The following MAT2A variants were observed in gnomAD, a reference collection of about 807,000 sequenced individuals.
MAT2A encodes S-adenosylmethionine synthase isoform type-2.
A neutral mutation model predicts 43.9 loss-of-function variants in MAT2A; 3 were observed. The observed-to-expected ratio is 0.07, with a 90% CI of 0.03 to 0.18. MAT2A has a LOEUF of 0.18. MAT2A is among the 10% of genes least tolerant of loss of function. The probability of loss-of-function intolerance (pLI) is 1.00; values close to 1 mark genes in which losing one functional copy is unlikely to be tolerated. For missense variants in MAT2A, 204 were observed against 489.0 expected (o/e 0.42, Z 5.50); for synonymous variants, 200 against 168.4 (o/e 1.19, Z -1.45).
intron 1 of MAT2A, among the ~76,000 whole-genome samples, chr2:85,540,781 A>G (rs1269941402): frequency 1.3e-5 from 2 of 152,220 alleles, no homozygotes; most frequent in East Asian, 3.8e-4. Context: ...CTGTGGCCTC[A>G]GTTCTACCAG....
Position 85,544,707 on chromosome 2 carries a change from A to G in MAT2A, c.*935A>G, listed in dbSNP as rs745453983. ...AAGCCTGAGTACTCCACACTGCACA[A>G]TAACTCCTCCCAGGGTTTTAACTTT... is the stretch of plus-strand genomic sequence containing the variant. On this transcript the variant is annotated 3_prime_UTR_variant, in exon 9 of 9. Coordinates refer to ENST00000306434, the MANE Select transcript of MAT2A (RefSeq NM_005911.6). The G allele has an allele frequency of 3.7e-4, 56 of 152,600 alleles. No individual in the cohort carries two copies. Among genetic ancestry groups the G allele is most frequent in the Non-Finnish European group, 5.1e-4 (35 of 68,038 alleles). 9.5% of individuals were successfully genotyped at this position (152,600 alleles called of 1,614,324 possible). A position where few individuals can be genotyped will look rare whatever the true frequency, so the allele number is the denominator to read the frequency against.
At chr2:85,539,905 G>A (rs1348780955) in intron 1 of MAT2A, 1 of 153,626 alleles carries the variant, frequency 6.5e-6, no homozygotes, top group Non-Finnish European at 1.5e-5. Context: ...CTATGCCTTG[G>A]GACGTCGTCT....
At chr2:85,540,537 A>T (rs1186748649) in intron 1 of MAT2A, among the ~76,000 whole-genome samples, 1 of 152,234 alleles carries the variant, frequency 6.6e-6, no homozygotes, top group Non-Finnish European at 1.5e-5. Flanking sequence ...AACTTGAATT[A>T]GGGAGATATT....
chr2:85,542,922 T>G lies in MAT2A; in HGVS notation c.973T>G (p.Ser325Ala). The G allele has an allele frequency of 6.2e-7, 1 of 1,613,638 alleles. No homozygotes were observed. Among genetic ancestry groups the G allele is most frequent in the Non-Finnish European group, 8.5e-7 (1 of 1,179,856 alleles). Residue 325 changes from serine to alanine, a missense_variant, in exon 8 of 9, where the codon TCT becomes GCT. Transcript: ENST00000306434. ...LVQVSYAIGV[S>A]HPLSISIFHY... Reference sequence around the variant, plus strand: ...TTAGGTCTCTTATGCTATTGGAGTTTCTCATCCATTATCTATCTCCATTTT... The same window carrying G: ...TTAGGTCTCTTATGCTATTGGAGTTGCTCATCCATTATCTATCTCCATTTT...
chr2:85,540,981 C>G, intron 1 of MAT2A, 102 bp from the exon 2 acceptor site: 2 of 748,616 alleles, frequency 2.7e-6, no homozygotes. Context: ...TTTTTAAAAT[C>G]TCCAAAGATT....
In MAT2A at chr2:85,542,893, C is replaced by T. The variant is rs760766095; in HGVS notation, c.952-8C>T. The T allele has an allele frequency of 6.2e-7, 1 of 1,609,132 alleles. No individual in the cohort carries two copies. The highest frequency in any genetic ancestry group is 1.1e-5 in the South Asian group (1 of 90,664). ...TCACTGATTCTTACGACATTTGAATCCTTTTAGGTCTCTTATGCTATTGGA... is the reference window on the plus strand; with the variant it reads ...TCACTGATTCTTACGACATTTGAATTCTTTTAGGTCTCTTATGCTATTGGA... On this transcript the variant is annotated splice_polypyrimidine_tract_variant and splice_region_variant and intron_variant, in intron 7 of 8. Coordinates refer to ENST00000306434, the MANE Select transcript of MAT2A (RefSeq NM_005911.6).
chr2:85,540,203 G>T (rs910221052), intron 1 of MAT2A, among the ~76,000 whole-genome samples: 15 of 152,248 alleles, frequency 9.9e-5, no homozygotes, highest in African/African-American at 3.6e-4. Flanking sequence ...GAGGAGTAAA[G>T]CTATATTTCC....
chr2:85,539,644 A>G (rs1219861344), intron 1 of MAT2A: 6 of 329,936 alleles, frequency 1.8e-5, no homozygotes, highest in Non-Finnish European at 2.2e-5. Flanking sequence ...GGTTCCAGAA[A>G]ACGTGAAGGG....
rs1369199015 is a variant in MAT2A at position 85,544,746 on chromosome 2, A to T, written c.*974A>T. The T allele has an allele frequency of 6.6e-6, 1 of 152,586 alleles. No individual in the cohort carries two copies. The highest frequency in any genetic ancestry group is 2.4e-5 in the African/African-American group (1 of 41,426). The allele number at this position is 152,586 out of a possible 1,614,324, so 9.5% of individuals were successfully genotyped here. On this transcript the variant is annotated 3_prime_UTR_variant, in exon 9 of 9. Transcript: ENST00000306434. ...GGTTTTAACTTTGTTTTATTTTCAA[A>T]ACCAGGTCCAATGAGCTTTCTGAAC...
Position 85,542,096 on chromosome 2 carries a change from GAAAC to G in MAT2A, c.550-55_550-52del. On this transcript the variant is annotated intron_variant, in intron 5 of 8. Coordinates refer to ENST00000306434, the MANE Select transcript of MAT2A (RefSeq NM_005911.6). ...TTCCTATATTGTAACTTCAGGTAGAGAAACAAATACAAAGTTATTGTTTGGTGTG... is the reference window on the plus strand; with the variant it reads ...TTCCTATATTGTAACTTCAGGTAGAGAAATACAAAGTTATTGTTTGGTGTG... 4 of 1,580,626 alleles carry G rather than the reference GAAAC, an allele frequency of 2.5e-6. No homozygotes were observed. In the South Asian group the frequency reaches 4.4e-5, roughly 17 times the overall value.
chr2:85,543,236 G>A, intron 8 of MAT2A: 1 of 561,886 alleles, frequency 1.8e-6, no homozygotes, highest in Non-Finnish European at 3.2e-6. Context: ...CCATGGCTTA[G>A]GCTAACCACT....
rs755309628 is a variant in MAT2A, at chr2:85,541,070, TTC to T, written c.92-9_92-8del. The stretch of plus-strand genomic sequence containing the variant: ...AAGTTAAAGAAACTGAGCCAGGAAT[TTC>T]TCTTTTCCAGATAAGATTTGTGACC... On this transcript the variant is annotated splice_polypyrimidine_tract_variant and intron_variant, in intron 1 of 8. Coordinates refer to ENST00000306434, the MANE Select transcript of MAT2A (RefSeq NM_005911.6). 6.3e-7 allele frequency: 1 copy of T among 1,598,026 alleles called. No homozygotes were observed. Among genetic ancestry groups the T allele is most frequent in the Non-Finnish European group, 8.6e-7 (1 of 1,169,188 alleles).
At chr2:85,541,567 A>G in intron 3 of MAT2A, 66 bp from the exon 4 acceptor site, 1 of 1,381,382 alleles carries the variant, frequency 7.2e-7, no homozygotes, top group Non-Finnish European at 1.0e-6. Flanking sequence ...TTAGAATTCC[A>G]GATAATTGCT....
Position 85,542,780 on chromosome 2 carries a change from G to A in MAT2A, c.951+33G>A, listed in dbSNP as rs374549690. 112 of 1,570,766 alleles carry A rather than the reference G, an allele frequency of 7.1e-5. 1 individual carries two copies. In the Middle Eastern group the frequency reaches 1.2e-3, roughly 17 times the overall value. On this transcript the variant is annotated intron_variant, in intron 7 of 8. Transcript: ENST00000306434. The stretch of plus-strand genomic sequence containing the variant: ...CTCTTTATATAACGAACGATTAAAA[G>A]TCATGTAAGTGGGAGGGTATTTAGT...
intron 5 of MAT2A, 83 bp downstream of exon 5, chr2:85,542,055 A>G: frequency 6.3e-7 from 1 of 1,587,446 alleles, no homozygotes; most frequent in Non-Finnish European, 8.6e-7. Flanking sequence ...GCTAACTGGA[A>G]AAAATAGCAT....
Position 85,544,492 on chromosome 2 carries a change from T to TA in MAT2A, c.*722dup, listed in dbSNP as rs1691563563. 1 of 152,710 alleles carries TA rather than the reference T, an allele frequency of 6.5e-6. No individual in the cohort carries two copies. Among genetic ancestry groups the TA allele is most frequent in the East Asian group, 1.9e-4 (1 of 5,186 alleles). 9.5% of individuals were successfully genotyped at this position (152,710 alleles called of 1,614,324 possible). On this transcript the variant is annotated 3_prime_UTR_variant, in exon 9 of 9. Transcript: ENST00000306434. ...GCTGTCTTTTGGAGGACGTACGTAA[T>TA]AAGGTTTTAATTTAGTAAACCAATC...
intron 1 of MAT2A, 75 bp downstream of exon 1, chr2:85,539,453 CGGTGGTG>C: frequency 8.1e-7 from 1 of 1,235,398 alleles, no homozygotes; most frequent in East Asian, 3.0e-5. Context: ...TGCGGCCGGC[CGGTGGTG>C]GGGCCCGCGC....
At chr2:85,543,059 A>T in intron 8 of MAT2A, 25 bp downstream of exon 8, 1 of 1,608,916 alleles carries the variant, frequency 6.2e-7, no homozygotes. Flanking sequence ...GCCTGTTGCT[A>T]GTCAAGTATT....
intron 8 of MAT2A, chr2:85,543,382 T>G: frequency 2.4e-6 from 1 of 419,892 alleles, no homozygotes; most frequent in Non-Finnish European, 4.3e-6. Context: ...GGCGGGACCT[T>G]GGTAAGTATT....
Sources: gnomAD v4.1 joint callset for allele counts (sites outside exome capture counted in the v4.1 genomes callset) on GRCh38, gnomAD v4.1.1 for gene constraint, MANE v1.5 for transcripts, NCBI Gene and HGNC (gene_info 2026-07-23, HGNC 2026-07-21) for gene names.